MARCHF1: variants seen among roughly 807,000 people sequenced by gnomAD.
MARCHF1 encodes the protein E3 ubiquitin-protein ligase MARCHF1.
In MARCHF1, 40 loss-of-function variants were observed where a neutral mutation model predicts 54.2. The ratio of observed to expected loss-of-function variants is 0.74; its 90% confidence interval spans 0.57 to 0.96. The LOEUF (loss-of-function observed/expected upper bound fraction) is 0.96, where lower values mean the gene tolerates loss of function less well. Among genes scored for constraint, MARCHF1 ranks in the 40% least tolerant of loss-of-function variants. The probability of loss-of-function intolerance (pLI) is 0.00; values close to 1 mark genes in which losing one functional copy is unlikely to be tolerated. For missense variants in MARCHF1, 586 were observed against 656.5 expected (o/e 0.89, Z 1.17); for synonymous variants, 236 against 236.3 (o/e 1.00, Z 0.01).
chr4:164,125,084 A>T (rs1756151459), intron 1 of MARCHF1, among the ~76,000 whole-genome samples: 1 of 152,116 alleles, frequency 6.6e-6, no homozygotes, highest in African/African-American at 2.4e-5. Context: ...AATTAAAAAT[A>T]AAAATAAATT....
At chr4:163,754,780 AAG>A (rs1746618853) in intron 4 of MARCHF1, among the ~76,000 whole-genome samples, 1 of 152,128 alleles carries the variant, frequency 6.6e-6, no homozygotes, top group African/African-American at 2.4e-5. Flanking sequence ...ACACAGGAAA[AAG>A]AGTTCAAAAG....
At chr4:163,538,796 A>C (rs1738622838) in intron 9 of MARCHF1, among the ~76,000 whole-genome samples, 1 of 151,962 alleles carries the variant, frequency 6.6e-6, no homozygotes, top group South Asian at 2.1e-4. Context: ...CTTTGGTTTC[A>C]ATTTCTTTAT....
intron 3 of MARCHF1, among the ~76,000 whole-genome samples, chr4:163,986,650 C>T (rs1211037900): frequency 1.3e-5 from 2 of 152,102 alleles, no homozygotes; most frequent in African/African-American, 4.8e-5. Context: ...CAAAGCTATA[C>T]ATGTTTTAAT....
intron 8 of MARCHF1, among the ~76,000 whole-genome samples, chr4:163,577,508 T>C (rs1415879567): frequency 6.6e-6 from 1 of 152,088 alleles, no homozygotes; most frequent in Non-Finnish European, 1.5e-5. Flanking sequence ...TAGCTGCCTT[T>C]AAGATTTTAA....
At chr4:164,348,788 G>A (rs1010374812) in intron 1 of MARCHF1, among the ~76,000 whole-genome samples, 17 of 152,080 alleles carry the variant, frequency 1.1e-4, no homozygotes, top group Non-Finnish European at 2.2e-4. Context: ...ATGGCAGGGG[G>A]TGTTTGGTCA....
intron 1 of MARCHF1, among the ~76,000 whole-genome samples, chr4:164,357,606 C>T (rs1390783780): frequency 6.6e-6 from 1 of 152,068 alleles, no homozygotes; most frequent in Non-Finnish European, 1.5e-5. Flanking sequence ...ATAAGAGATG[C>T]TAATTTTGAA....
chr4:163,642,932 T>C (rs1742603721), intron 5 of MARCHF1, among the ~76,000 whole-genome samples: 1 of 151,992 alleles, frequency 6.6e-6, no homozygotes, highest in African/African-American at 2.4e-5. Context: ...AACTGAAATA[T>C]GGTATTATCT....
chr4:164,374,558 T>C (rs759558129), intron 1 of MARCHF1, among the ~76,000 whole-genome samples: 15 of 152,136 alleles, frequency 9.9e-5, no homozygotes, highest in Non-Finnish European at 1.9e-4. Context: ...ACAAAAGCTA[T>C]AGAAATAGCA....
At chr4:163,877,958 T>C (rs1270640274) in intron 3 of MARCHF1, among the ~76,000 whole-genome samples, 1 of 152,148 alleles carries the variant, frequency 6.6e-6, no homozygotes, top group Non-Finnish European at 1.5e-5. Flanking sequence ...AAGCAGAGGA[T>C]AGAGAGAGGG....
At chr4:163,594,784 A>C (rs942320253) in intron 7 of MARCHF1, among the ~76,000 whole-genome samples, 1 of 151,656 alleles carries the variant, frequency 6.6e-6, no homozygotes, top group Non-Finnish European at 1.5e-5. Context: ...ACACACACAC[A>C]CACCCAAACC....
intron 2 of MARCHF1, among the ~76,000 whole-genome samples, chr4:163,993,019 A>G (rs1752997899): frequency 6.6e-6 from 1 of 152,000 alleles, no homozygotes. Flanking sequence ...GGAAGAACAT[A>G]TGGATAAGTT....
chr4:164,283,258 T>C (rs1364671466), intron 1 of MARCHF1, among the ~76,000 whole-genome samples: 1 of 151,052 alleles, frequency 6.6e-6, no homozygotes, highest in African/African-American at 2.4e-5. Flanking sequence ...TATTCACTGT[T>C]GTCCAACAAG....
chr4:163,889,013 T>C (rs1325187191), intron 3 of MARCHF1, among the ~76,000 whole-genome samples: 1 of 152,204 alleles, frequency 6.6e-6, no homozygotes, highest in Non-Finnish European at 1.5e-5. Context: ...ATGGTAGGTA[T>C]ACAAGAGCTA....
intron 4 of MARCHF1, among the ~76,000 whole-genome samples, chr4:163,775,765 T>C (rs987941420): frequency 6.6e-6 from 1 of 151,984 alleles, no homozygotes; most frequent in Non-Finnish European, 1.5e-5. Flanking sequence ...AGCAAATTGA[T>C]CTGAGTTGAG....
At chr4:164,264,569 TCA>T (rs1233855640) in intron 1 of MARCHF1, among the ~76,000 whole-genome samples, 1 of 152,108 alleles carries the variant, frequency 6.6e-6, no homozygotes, top group Non-Finnish European at 1.5e-5. Flanking sequence ...TTCATTCCTT[TCA>T]ACTGATGAGG....
rs182923313 is a variant in MARCHF1 at position 164,080,949 on chromosome 4, C to G, written c.-248+30639G>C. Among the ~76,000 whole-genome samples, 1,067 of 151,336 alleles carry G rather than the reference C, an allele frequency of 7.1e-3. 11 individuals carry two copies. The highest frequency in any genetic ancestry group is 0.016 in the East Asian group (81 of 5,142). On this transcript the variant is annotated intron_variant, in intron 2 of 9. Transcript: ENST00000514618. Reference sequence around the variant, plus strand: ...TTTGGCCGGGCGTGGTGGCTCACGCCTGTAATCCCAGCACTTTGGGAGGCC... The same window carrying G: ...TTTGGCCGGGCGTGGTGGCTCACGCGTGTAATCCCAGCACTTTGGGAGGCC...
At chr4:164,237,255 C>T (rs1483395204) in intron 1 of MARCHF1, among the ~76,000 whole-genome samples, 1 of 152,162 alleles carries the variant, frequency 6.6e-6, no homozygotes, top group Non-Finnish European at 1.5e-5. Context: ...AAATTACATG[C>T]TTCACTAACA....
chr4:164,381,375 C>T (rs1731365633), intron 1 of MARCHF1, among the ~76,000 whole-genome samples: 1 of 152,066 alleles, frequency 6.6e-6, no homozygotes, highest in South Asian at 2.1e-4. Context: ...TTATAATATG[C>T]TTATACTTTC....
At chr4:163,798,015 A>G (rs1429927850) in intron 4 of MARCHF1, among the ~76,000 whole-genome samples, 1 of 152,130 alleles carries the variant, frequency 6.6e-6, no homozygotes, top group African/African-American at 2.4e-5. Flanking sequence ...TCAAGACAGG[A>G]TATGTGTTTG....
Sources: gnomAD v4.1 joint callset for allele counts (sites outside exome capture counted in the v4.1 genomes callset) on GRCh38, gnomAD v4.1.1 for gene constraint, MANE v1.5 for transcripts, NCBI Gene and HGNC (gene_info 2026-07-23, HGNC 2026-07-21) for gene names.